Variants in LINGO2 observed in about 807,000 individuals in gnomAD.
LINGO2 encodes leucine-rich repeat and immunoglobulin-like domain-containing nogo receptor-interacting protein 2.
A neutral mutation model predicts 30.6 loss-of-function variants in LINGO2; 14 were observed. That is an observed-to-expected ratio of 0.46 (90% CI 0.30 to 0.72). The LOEUF (loss-of-function observed/expected upper bound fraction) is 0.72, where lower values mean the gene tolerates loss of function less well. Ranked by LOEUF, LINGO2 falls within the 30% of genes least tolerant of loss-of-function variation. The probability of loss-of-function intolerance (pLI) is 0.07; values close to 1 mark genes in which losing one functional copy is unlikely to be tolerated. For synonymous variants in LINGO2, 317 were observed against 288.5 expected, an observed-to-expected ratio of 1.10 and a Z score of -1.00; for missense variants, 729 against 751.7, an observed-to-expected ratio of 0.97 and a Z score of 0.35.
At chr9:29,180,917 G>C in the LINGO2 span, among the ~76,000 whole-genome samples, 2 of 152,118 alleles carry the variant, frequency 1.3e-5, no homozygotes, top group Non-Finnish European at 2.9e-5. Context: ...AAATTTCTCA[G>C]AGAGGAAAAG....
the LINGO2 span, among the ~76,000 whole-genome samples, chr9:28,697,210 T>C: frequency 2.0e-5 from 3 of 151,908 alleles, no homozygotes; most frequent in Non-Finnish European, 4.4e-5. Flanking sequence ...GACCTTGATA[T>C]AAGATAATGA....
intron 4 of LINGO2, among the ~76,000 whole-genome samples, chr9:28,039,092 T>C (rs1376685272): frequency 6.6e-6 from 1 of 152,150 alleles, no homozygotes; most frequent in Non-Finnish European, 1.5e-5. Context: ...AGGACCCTTT[T>C]AGTAAGCAAG....
the LINGO2 span, among the ~76,000 whole-genome samples, chr9:28,841,733 G>C: frequency 2.0e-5 from 3 of 151,702 alleles, no homozygotes; most frequent in Non-Finnish European, 1.5e-5. Context: ...TAAGCAATGA[G>C]TATTTAGGGT....
the LINGO2 span, among the ~76,000 whole-genome samples, chr9:28,968,486 T>A: frequency 6.6e-6 from 1 of 152,166 alleles, no homozygotes; most frequent in Non-Finnish European, 1.5e-5. Flanking sequence ...TACTTGTCTA[T>A]CTTACTTACA....
At chr9:28,625,620 A>G (rs1408654731) in intron 1 of LINGO2, among the ~76,000 whole-genome samples, 1 of 152,166 alleles carries the variant, frequency 6.6e-6, no homozygotes, top group Non-Finnish European at 1.5e-5. Flanking sequence ...ATAAAAAAGT[A>G]ATATTTGTAA....
At chr9:28,765,478 A>T in the LINGO2 span, among the ~76,000 whole-genome samples, 17 of 152,180 alleles carry the variant, frequency 1.1e-4, no homozygotes, top group African/African-American at 3.9e-4. Context: ...AGGTGTTTGG[A>T]TCAGGAGGAG....
rs902155881 is a variant in LINGO2 at position 28,129,054 on chromosome 9, T to G, written c.-86-116649A>C. Among the ~76,000 whole-genome samples the G allele has an allele frequency of 2.0e-5, 3 of 152,140 alleles. No individual in the cohort carries two copies. The highest frequency in any genetic ancestry group is 7.2e-5 in the African/African-American group (3 of 41,426). On this transcript the variant is annotated intron_variant, in intron 4 of 5. Coordinates refer to ENST00000379992, the Ensembl canonical transcript of LINGO2. This position sits in a 1 kb window ranked among gnomAD's most constrained non-coding sequence, Gnocchi z 4.0. ...GCCTGAAACATCAGACTCCAAGTTC[T>G]TTGACTTTCGGAGTCTTGGACTTAA...
chr9:28,782,365 T>C, the LINGO2 span, among the ~76,000 whole-genome samples: 1 of 152,234 alleles, frequency 6.6e-6, no homozygotes, highest in Non-Finnish European at 1.5e-5. Flanking sequence ...ATTCATTCAC[T>C]GTGCATTACT....
At chr9:29,207,072 C>A in the LINGO2 span, among the ~76,000 whole-genome samples, 1 of 151,342 alleles carries the variant, frequency 6.6e-6, no homozygotes, top group African/African-American at 2.4e-5. Flanking sequence ...TATGTACATA[C>A]ATATATACAT....
the LINGO2 span, among the ~76,000 whole-genome samples, chr9:28,793,056 A>G: frequency 6.6e-6 from 1 of 152,158 alleles, no homozygotes; most frequent in Admixed American, 6.5e-5. Context: ...CACCATGAGT[A>G]TATACTGGGA....
the LINGO2 span, among the ~76,000 whole-genome samples, chr9:28,791,957 A>G: frequency 6.6e-6 from 1 of 151,578 alleles, no homozygotes; most frequent in Non-Finnish European, 1.5e-5. Context: ...TAATTATCAT[A>G]TAATTATGTT....
At chr9:28,396,693 G>A (rs933776950) in intron 2 of LINGO2, among the ~76,000 whole-genome samples, 1 of 39,094 alleles carries the variant, frequency 2.6e-5, no homozygotes, top group Admixed American at 4.3e-4. Flanking sequence ...GACAGAGCGA[G>A]ACTCCATCTC....
chr9:28,391,996 A>T (rs1203063014), intron 2 of LINGO2, among the ~76,000 whole-genome samples: 1 of 152,152 alleles, frequency 6.6e-6, no homozygotes, highest in Non-Finnish European at 1.5e-5. Context: ...CAGTCTCAAG[A>T]GATTGAGACC....
chr9:28,762,005 C>CTT, the LINGO2 span, among the ~76,000 whole-genome samples: 1 of 151,602 alleles, frequency 6.6e-6, no homozygotes, highest in Non-Finnish European at 1.5e-5. Context: ...TCATAAAATC[C>CTT]TTTTTTTCCC....
chr9:28,635,247 T>G (rs1827205553), intron 1 of LINGO2, among the ~76,000 whole-genome samples: 1 of 152,180 alleles, frequency 6.6e-6, no homozygotes, highest in African/African-American at 2.4e-5. Flanking sequence ...TAGCTGTAAT[T>G]AATGGCAAAA....
intron 2 of LINGO2, among the ~76,000 whole-genome samples, chr9:28,468,290 G>C (rs1825389780): frequency 6.6e-6 from 1 of 152,158 alleles, no homozygotes; most frequent in East Asian, 1.9e-4. Context: ...ACTTGGACCA[G>C]AAAGAGCGAA....
intron 1 of LINGO2, among the ~76,000 whole-genome samples, chr9:28,565,493 T>A (rs866622238): frequency 4.1e-5 from 6 of 146,952 alleles, no homozygotes; most frequent in African/African-American, 1.5e-4. Flanking sequence ...TAAGGAAAAA[T>A]TATTTTTATT....
At chr9:27,982,230 C>A (rs879464870) in intron 5 of LINGO2, among the ~76,000 whole-genome samples, 9 of 151,768 alleles carry the variant, frequency 5.9e-5, no homozygotes, top group East Asian at 1.9e-4. Flanking sequence ...ACCCTTTCCC[C>A]AAATGGATGG....
intron 2 of LINGO2, among the ~76,000 whole-genome samples, chr9:28,433,158 A>C (rs1475128974): frequency 1.3e-5 from 2 of 152,136 alleles, no homozygotes; most frequent in Admixed American, 6.6e-5. Context: ...AGATGGTTTC[A>C]TGGGAAGGCA....
Sources: gnomAD v4.1 joint callset for allele counts (sites outside exome capture counted in the v4.1 genomes callset) on GRCh38, gnomAD v4.1.1 for gene constraint, Gnocchi (gnomAD v3.1) non-coding constraint, MANE v1.5 for transcripts, NCBI Gene and HGNC (gene_info 2026-07-23, HGNC 2026-07-21) for gene names.